MAGI1: variants seen among roughly 807,000 people sequenced by gnomAD.
MAGI1 encodes membrane-associated guanylate kinase, WW and PDZ domain-containing protein 1.
MAGI1 carries 58 observed loss-of-function variants against 139.9 expected under a neutral mutation model. The ratio of observed to expected loss-of-function variants is 0.41; its 90% CI spans 0.34 to 0.52. The LOEUF is 0.52. Among genes scored for constraint, MAGI1 ranks in the 20% least tolerant of loss-of-function variants. The pLI is 0.12. For missense variants in MAGI1, 1,874 were observed against 1,901.6 expected (o/e 0.99, Z 0.27); for synonymous variants, 812 against 737.9 (o/e 1.10, Z -1.63).
chr3:65,728,289 C>A (rs79731474), intron 1 of MAGI1, among the ~76,000 whole-genome samples: 8,140 of 152,132 alleles, frequency 0.054, 695 homozygotes, highest in African/African-American at 0.18. Flanking sequence ...ATGATTGGAG[C>A]TGGAGCACCC....
chr3:65,643,067 C>T (rs1352624990), intron 1 of MAGI1, among the ~76,000 whole-genome samples: 4 of 152,186 alleles, frequency 2.6e-5, no homozygotes, highest in Non-Finnish European at 4.4e-5. Flanking sequence ...TAGCATTTGG[C>T]ACCTCCAGTA....
At position 65,470,279 on chromosome 3, in the gene MAGI1, TTACTC is replaced by T; in HGVS notation, c.958_959+3del. 7 of 1,584,394 alleles carry T rather than the reference TTACTC, an allele frequency of 4.4e-6. No homozygotes were observed. The highest frequency in any genetic ancestry group is 1.1e-5 in the South Asian group (1 of 90,400). ...ATTTAGGTAGAAATAATGGTATACT[TTACTC>T]TATAAAATAGACTTCTCCATTTTCA... On this transcript the variant is annotated splice_donor_variant and splice_donor_region_variant and coding_sequence_variant and intron_variant, in exon 5 of 23. Coordinates refer to ENST00000402939, the MANE Select transcript of MAGI1 (RefSeq NM_001033057.2). LOFTEE classifies it high-confidence loss of function.
intron 1 of MAGI1, among the ~76,000 whole-genome samples, chr3:65,784,568 G>A (rs534278117): frequency 1.3e-5 from 2 of 152,036 alleles, no homozygotes; most frequent in Non-Finnish European, 2.9e-5. Context: ...AGCTGGGCGC[G>A]GTGACGGGCG....
chr3:65,460,603 T>G (rs1949714173), intron 5 of MAGI1, among the ~76,000 whole-genome samples: 2 of 152,150 alleles, frequency 1.3e-5, no homozygotes, highest in African/African-American at 4.8e-5. Context: ...ACATGCAGAT[T>G]TGTTACACAG....
chr3:65,621,521 G>A lies in MAGI1; in HGVS notation c.430+451C>T, dbSNP rs1559728523. Among the ~76,000 whole-genome samples the A allele has an allele frequency of 5.3e-5, 8 of 152,302 alleles. 1 individual carries two copies. Among genetic ancestry groups the A allele is most frequent in the Admixed American group, 5.2e-4 (8 of 15,298 alleles). On this transcript the variant is annotated intron_variant, in intron 2 of 22. Coordinates refer to ENST00000402939, the MANE Select transcript of MAGI1 (RefSeq NM_001033057.2). Reference sequence around the variant, plus strand: ...GGAGAACCCTGGGAAGGAAGACAGAGCCCACTGGGGTATTCCCTTCACTGG... The same window carrying A: ...GGAGAACCCTGGGAAGGAAGACAGAACCCACTGGGGTATTCCCTTCACTGG...
At position 65,407,457 on chromosome 3, in the gene MAGI1, A is replaced by C. The variant is rs1274041703; in HGVS notation, c.2168-5987T>G. On this transcript the variant is annotated intron_variant, in intron 12 of 22. Coordinates refer to ENST00000402939, the MANE Select transcript of MAGI1 (RefSeq NM_001033057.2). The stretch of plus-strand genomic sequence containing the variant: ...GTGAGACTCCGTCTCAAAAAAAAAA[A>C]AAAAAGGAAACAATCTGAACTTCCA... Among the ~76,000 whole-genome samples, 4 of 152,100 alleles carry C rather than the reference A, an allele frequency of 2.6e-5. No individual in the cohort carries two copies. In the East Asian group the frequency reaches 7.7e-4, roughly 29 times the overall value.
chr3:65,712,046 C>A (rs2031510169), intron 1 of MAGI1, among the ~76,000 whole-genome samples: 1 of 152,104 alleles, frequency 6.6e-6, no homozygotes, highest in African/African-American at 2.4e-5. Flanking sequence ...GGGTGTTTCT[C>A]CAAAGTGCCT....
At chr3:65,494,999 G>C (rs1480791240) in intron 2 of MAGI1, among the ~76,000 whole-genome samples, 1 of 152,202 alleles carries the variant, frequency 6.6e-6, no homozygotes, top group East Asian at 1.9e-4. Flanking sequence ...AGGTTAAAAA[G>C]TCTACTCTTA....
chr3:65,562,889 T>C (rs966588907), intron 2 of MAGI1, among the ~76,000 whole-genome samples: 3 of 152,250 alleles, frequency 2.0e-5, no homozygotes, highest in Non-Finnish European at 4.4e-5. Flanking sequence ...ATCCATCTTT[T>C]AAAGTAGATT....
At chr3:65,636,625 T>C (rs1038746939) in intron 1 of MAGI1, among the ~76,000 whole-genome samples, 2 of 152,154 alleles carry the variant, frequency 1.3e-5, no homozygotes, top group African/African-American at 4.8e-5. Flanking sequence ...TGATCATTTT[T>C]TTCTTGACTA....
intron 1 of MAGI1, among the ~76,000 whole-genome samples, chr3:65,870,877 G>A (rs2059915317): frequency 6.6e-6 from 1 of 151,870 alleles, no homozygotes; most frequent in East Asian, 1.9e-4. Context: ...GAGCCCAGGA[G>A]TTCAAGTCCA....
intron 2 of MAGI1, among the ~76,000 whole-genome samples, chr3:65,589,976 C>A (rs11707493): frequency 0.064 from 9,747 of 152,226 alleles, 384 homozygotes; most frequent in East Asian, 0.16. Context: ...TAAAATTGCA[C>A]ACTCAACGAT....
At chr3:65,654,599 T>C (rs1053925874) in intron 1 of MAGI1, among the ~76,000 whole-genome samples, 5 of 152,226 alleles carry the variant, frequency 3.3e-5, no homozygotes, top group African/African-American at 1.2e-4. Context: ...TCTCTTTCTG[T>C]GTGCTAGTGA....
At chr3:65,866,317 G>A (rs974460562) in intron 1 of MAGI1, among the ~76,000 whole-genome samples, 3 of 149,240 alleles carry the variant, frequency 2.0e-5, no homozygotes, top group East Asian at 2.0e-4. Flanking sequence ...GGGCTCAAGC[G>A]GTCCTCCCAC....
intron 7 of MAGI1, among the ~76,000 whole-genome samples, chr3:65,446,713 A>G (rs1361822686): frequency 6.6e-6 from 1 of 152,180 alleles, no homozygotes; most frequent in Non-Finnish European, 1.5e-5. Flanking sequence ...TACTTTATCT[A>G]ATATCATTGG....
At chr3:65,609,823 C>T in intron 2 of MAGI1, 1 of 288,170 alleles carries the variant, frequency 3.5e-6, no homozygotes, top group South Asian at 3.2e-5. Flanking sequence ...ATGATCTGCT[C>T]ATCTTGGCTT....
At chr3:65,712,507 GT>G (rs1452142423) in intron 1 of MAGI1, among the ~76,000 whole-genome samples, 1 of 148,632 alleles carries the variant, frequency 6.7e-6, no homozygotes, top group Non-Finnish European at 1.5e-5. Flanking sequence ...TTTTGTTTTT[GT>G]TTTTGTTGTT....
intron 3 of MAGI1, among the ~76,000 whole-genome samples, chr3:65,484,301 A>G (rs1951479593): frequency 6.6e-6 from 1 of 152,112 alleles, no homozygotes; most frequent in Admixed American, 6.6e-5. Context: ...GGCTGGTCCA[A>G]GGTAAATGGG....
chr3:65,508,492 G>C (rs1034153612), intron 2 of MAGI1, among the ~76,000 whole-genome samples: 6 of 152,090 alleles, frequency 3.9e-5, no homozygotes, highest in African/African-American at 1.4e-4. Flanking sequence ...AAAGACAATA[G>C]TCTTTAAATA....
Sources: gnomAD v4.1 joint callset for allele counts (sites outside exome capture counted in the v4.1 genomes callset) on GRCh38, gnomAD v4.1.1 for gene constraint, MANE v1.5 for transcripts, NCBI Gene and HGNC (gene_info 2026-07-23, HGNC 2026-07-21) for gene names.